CACNA1C: variants seen among roughly 807,000 people sequenced by gnomAD.
The protein encoded by CACNA1C is calcium voltage-gated channel subunit alpha1 C, also known as voltage-dependent L-type calcium channel subunit alpha-1C.
CACNA1C carries 30 observed loss-of-function variants against 229.0 expected under a neutral mutation model. The observed-to-expected ratio is 0.13, with a 90% confidence interval of 0.10 to 0.18. The LOEUF is 0.18. Ranked by LOEUF, CACNA1C falls within the 10% of genes least tolerant of loss-of-function variation. CACNA1C has a pLI of 1.00. For missense variants in CACNA1C, 1,658 were observed against 2,845.0 expected (o/e 0.58, Z 9.49); for synonymous variants, 1,114 against 1,132.5 (o/e 0.98, Z 0.33).
chr12:2,669,578 G>A (rs1429496193), intron 38 of CACNA1C, among the ~76,000 whole-genome samples: 4 of 152,214 alleles, frequency 2.6e-5, no homozygotes, highest in Non-Finnish European at 5.9e-5. Flanking sequence ...CCTGAAGCAG[G>A]ACCAACCCCT....
intron 1 of CACNA1C, among the ~76,000 whole-genome samples, chr12:2,101,001 C>CAAAAAAAA (rs551820516): frequency 4.1e-5 from 3 of 72,298 alleles, no homozygotes; most frequent in African/African-American, 4.1e-5. Flanking sequence ...AGACCCATCT[C>CAAAAAAAA]AAAAAAAAAA....
intron 5 of CACNA1C, 123 bp downstream of exon 5, chr12:2,457,829 T>A: frequency 2.1e-6 from 2 of 951,680 alleles, no homozygotes; most frequent in Middle Eastern, 3.5e-4. Context: ...GGTTTTTGTT[T>A]TTGTTTTAAA....
chr12:2,324,581 T>A (rs931254445), intron 3 of CACNA1C, among the ~76,000 whole-genome samples: 2 of 152,264 alleles, frequency 1.3e-5, no homozygotes, highest in African/African-American at 4.8e-5. Context: ...GAGCTGCACC[T>A]GCTGGAGCAG....
chr12:2,684,871 A>G (rs564746257), intron 43 of CACNA1C, among the ~76,000 whole-genome samples: 77 of 152,318 alleles, frequency 5.1e-4, no homozygotes, highest in African/African-American at 1.7e-3. Flanking sequence ...AAATCATCCA[A>G]GTCTCTGTGC....
At chr12:2,394,037 C>T (rs1018899759) in intron 3 of CACNA1C, among the ~76,000 whole-genome samples, 3 of 150,226 alleles carry the variant, frequency 2.0e-5, no homozygotes, top group Non-Finnish European at 4.4e-5. Flanking sequence ...CCTAGGAGGT[C>T]GAGGCTGCAG....
chr12:2,223,139 C>T (rs879482094), intron 3 of CACNA1C, among the ~76,000 whole-genome samples: 3 of 152,200 alleles, frequency 2.0e-5, no homozygotes, highest in Admixed American at 2.0e-4. Context: ...CTGCAAGACT[C>T]ATAGCATACT....
At chr12:2,525,463 C>A (rs544905866) in intron 9 of CACNA1C, among the ~76,000 whole-genome samples, 1 of 152,324 alleles carries the variant, frequency 6.6e-6, no homozygotes, top group South Asian at 2.1e-4. Context: ...CAGTGCCATG[C>A]CCCTCTGAGG....
rs2054043316 is a variant in CACNA1C, at chr12:2,054,853, C to T, written c.49+1242C>T. On this transcript the variant is annotated intron_variant, in intron 1 of 46. Transcript: ENST00000399655. This position sits in a 1 kb window ranked among gnomAD's most constrained non-coding sequence, Gnocchi z 5.5. ...CCTTCCCTGGGTTCTTCCCAGTGAT[C>T]CTCTGAAGACCAGCCTGGTGGAAGG... 6.6e-6 allele frequency among the ~76,000 whole-genome samples: 1 copy of T among 152,216 alleles called. No homozygotes were observed. Among genetic ancestry groups the T allele is most frequent in the South Asian group, 2.1e-4 (1 of 4,832 alleles).
At chr12:2,543,235 T>C (rs537530966) in intron 9 of CACNA1C, among the ~76,000 whole-genome samples, 6 of 152,318 alleles carry the variant, frequency 3.9e-5, no homozygotes, top group African/African-American at 1.4e-4. Context: ...ATAAAGCATA[T>C]TGTGCCTTAT....
intron 1 of CACNA1C, among the ~76,000 whole-genome samples, chr12:2,031,159 C>T (rs528548465): frequency 1.3e-5 from 2 of 152,268 alleles, no homozygotes; most frequent in African/African-American, 2.4e-5. Flanking sequence ...CCTAAGTGCC[C>T]ATGGGCATCC....
chr12:2,616,109 G>T (rs1295501261), intron 29 of CACNA1C, among the ~76,000 whole-genome samples: 1 of 152,188 alleles, frequency 6.6e-6, no homozygotes, highest in Non-Finnish European at 1.5e-5. Context: ...CCAAGTCTCG[G>T]TCTCCCTTTT....
intron 9 of CACNA1C, among the ~76,000 whole-genome samples, chr12:2,523,218 A>T (rs1420335491): frequency 6.6e-6 from 1 of 151,858 alleles, no homozygotes; most frequent in Non-Finnish European, 1.5e-5. Context: ...GATTCTGAGA[A>T]CTCTGTTTGA....
At chr12:2,549,829 C>A in intron 9 of CACNA1C, 114 bp from the exon 10 acceptor site, 1 of 747,938 alleles carries the variant, frequency 1.3e-6, no homozygotes, top group Non-Finnish European at 2.4e-6. Context: ...CTCAGCCTCT[C>A]TTTCTGCCAA....
At chr12:2,435,265 G>T (rs1047813979) in intron 3 of CACNA1C, among the ~76,000 whole-genome samples, 1 of 152,174 alleles carries the variant, frequency 6.6e-6, no homozygotes, top group African/African-American at 2.4e-5. Context: ...CCCAGCAATC[G>T]CCTTTTCTCC....
intron 34 of CACNA1C, among the ~76,000 whole-genome samples, chr12:2,664,031 C>G (rs565495441): frequency 6.6e-6 from 1 of 152,150 alleles, no homozygotes; most frequent in Non-Finnish European, 1.5e-5. Flanking sequence ...TGAGCCACCG[C>G]GCCCGGCCAG....
chr12:2,168,949 CAA>C (rs1477111792), intron 3 of CACNA1C, among the ~76,000 whole-genome samples: 3 of 152,134 alleles, frequency 2.0e-5, no homozygotes, highest in Non-Finnish European at 4.4e-5. Flanking sequence ...TCCTGGAGAG[CAA>C]AGAGTTCCTG....
chr12:2,358,251 CTGTGTGTG>C (rs57191390), intron 3 of CACNA1C, among the ~76,000 whole-genome samples: 22,331 of 135,686 alleles, frequency 0.16, 2,045 homozygotes, highest in Non-Finnish European at 0.2. Context: ...CGGCGTCCTC[CTGTGTGTG>C]TGTGTGTGTG....
intron 3 of CACNA1C, among the ~76,000 whole-genome samples, chr12:2,424,849 G>A (rs771804577): frequency 1.2e-4 from 19 of 152,244 alleles, no homozygotes; most frequent in African/African-American, 2.9e-4. Flanking sequence ...GCCAGGAAGC[G>A]GGGAGGGTCC....
chr12:2,318,552 A>G (rs939529517), intron 3 of CACNA1C, among the ~76,000 whole-genome samples: 7 of 152,264 alleles, frequency 4.6e-5, no homozygotes, highest in Non-Finnish European at 1.0e-4. Flanking sequence ...TTCTGTAAGC[A>G]TATGGCTCCT....
Sources: gnomAD v4.1 joint callset for allele counts (sites outside exome capture counted in the v4.1 genomes callset) on GRCh38, gnomAD v4.1.1 for gene constraint, Gnocchi (gnomAD v3.1) non-coding constraint, MANE v1.5 for transcripts, NCBI Gene and HGNC (gene_info 2026-07-23, HGNC 2026-07-21) for gene names.